Variants in GRM1 observed in about 807,000 individuals in gnomAD.
The protein encoded by GRM1 is glutamate metabotropic receptor 1, also known as metabotropic glutamate receptor 1.
In GRM1, 33 loss-of-function variants were observed where a neutral mutation model predicts 90.9. That is an observed-to-expected ratio of 0.36 (90% CI 0.28 to 0.49). The LOEUF (loss-of-function observed/expected upper bound fraction) is 0.49, where lower values mean the gene tolerates loss of function less well. Ranked by LOEUF, GRM1 falls within the 20% of genes least tolerant of loss-of-function variation. The pLI is 0.99. For synonymous variants in GRM1, 700 were observed against 613.2 expected, an observed-to-expected ratio of 1.14 and a Z score of -2.09; for missense variants, 1,190 against 1,534.3, an observed-to-expected ratio of 0.78 and a Z score of 3.75.
chr6:146,137,123 G>A (rs1038732712), intron 1 of GRM1, among the ~76,000 whole-genome samples: 1 of 152,108 alleles, frequency 6.6e-6, no homozygotes, highest in Non-Finnish European at 1.5e-5. Context: ...AAAGTGCTGA[G>A]ATTACAGGCG....
intron 5 of GRM1, among the ~76,000 whole-genome samples, chr6:146,362,505 C>G (rs1305488115): frequency 6.6e-6 from 1 of 151,754 alleles, no homozygotes; most frequent in Non-Finnish European, 1.5e-5. Context: ...TGGTGAAACC[C>G]CATCTCTACT....
intron 2 of GRM1, among the ~76,000 whole-genome samples, chr6:146,163,841 C>G (rs55647924): frequency 0.055 from 8,339 of 152,128 alleles, 309 homozygotes; most frequent in Non-Finnish European, 0.083. Flanking sequence ...TTATTTCATG[C>G]TTAGTTTTAA....
intron 2 of GRM1, among the ~76,000 whole-genome samples, chr6:146,292,969 A>G (rs1205296254): frequency 6.6e-6 from 1 of 152,024 alleles, no homozygotes; most frequent in Non-Finnish European, 1.5e-5. Flanking sequence ...TACACCACAA[A>G]ATGGATAAAT....
At chr6:146,253,661 C>T (rs1214523925) in intron 2 of GRM1, among the ~76,000 whole-genome samples, 2 of 152,126 alleles carry the variant, frequency 1.3e-5, no homozygotes. Flanking sequence ...TCTCAAGGTG[C>T]ATAATCTGAA....
Position 146,033,415 on chromosome 6 carries a change from T to C in GRM1, c.700+3198T>C, listed in dbSNP as rs183832714. On this transcript the variant is annotated intron_variant, in intron 1 of 7. Transcript: ENST00000282753. ...TATTTCAAATGATTTTTGAAAACAG[T>C]ACTTAAAAATAACTGTAGTTAATAA... Among the ~76,000 whole-genome samples, 163 of 152,288 alleles carry C rather than the reference T, an allele frequency of 1.1e-3. 1 individual carries two copies. The highest frequency in any genetic ancestry group is 4.2e-3 in the Admixed American group (65 of 15,296).
intron 1 of GRM1, among the ~76,000 whole-genome samples, chr6:146,069,054 T>C (rs558073510): frequency 6.6e-6 from 1 of 152,360 alleles, no homozygotes; most frequent in African/African-American, 2.4e-5. Context: ...GTTAAACTTA[T>C]GATCTTTTGA....
intron 3 of GRM1, among the ~76,000 whole-genome samples, chr6:146,350,372 GT>G (rs67426648): frequency 0.044 from 6,695 of 152,102 alleles, 488 homozygotes; most frequent in African/African-American, 0.15. Context: ...CCTGTTGTTG[GT>G]TGTAATGACT....
At chr6:146,178,131 C>T (rs993604161) in intron 2 of GRM1, among the ~76,000 whole-genome samples, 3 of 152,042 alleles carry the variant, frequency 2.0e-5, no homozygotes, top group Non-Finnish European at 2.9e-5. Context: ...TTCAGAATAC[C>T]ACATTCTCTT....
intron 5 of GRM1, among the ~76,000 whole-genome samples, chr6:146,371,580 T>G (rs956132711): frequency 1.4e-4 from 21 of 152,078 alleles, no homozygotes; most frequent in African/African-American, 4.8e-4. Flanking sequence ...CTATTTCTTT[T>G]GTACTCATTA....
At chr6:146,238,854 G>T (rs1313176060) in intron 2 of GRM1, among the ~76,000 whole-genome samples, 1 of 152,064 alleles carries the variant, frequency 6.6e-6, no homozygotes, top group Non-Finnish European at 1.5e-5. Flanking sequence ...ATGCACCCTT[G>T]CCTCTCCCAC....
chr6:146,275,378 A>G (rs1224480125), intron 2 of GRM1, among the ~76,000 whole-genome samples: 1 of 152,118 alleles, frequency 6.6e-6, no homozygotes. Flanking sequence ...TACATGGGAC[A>G]GTTTGTACAT....
intron 1 of GRM1, among the ~76,000 whole-genome samples, chr6:146,032,832 T>G (rs1790755430): frequency 6.6e-6 from 1 of 152,208 alleles, no homozygotes; most frequent in Non-Finnish European, 1.5e-5. Flanking sequence ...GTGACTGGAC[T>G]AGTGTACCTT....
chr6:146,402,401 A>G lies in GRM1; in HGVS notation c.2660+2702A>G, dbSNP rs1273268917. Reference sequence around the variant, plus strand: ...TTTTAGTATATAAAAAAGAATCTCAATGCTATGTTTTTACCTTTTTATTGC... The same window carrying G: ...TTTTAGTATATAAAAAAGAATCTCAGTGCTATGTTTTTACCTTTTTATTGC... On this transcript the variant is annotated intron_variant, in intron 7 of 7. Transcript: ENST00000282753. Among the ~76,000 whole-genome samples, 6 of 152,276 alleles carry G rather than the reference A, an allele frequency of 3.9e-5. No individual in the cohort carries two copies. In the East Asian group the frequency reaches 1.2e-3, roughly 29 times the overall value.
intron 5 of GRM1, among the ~76,000 whole-genome samples, chr6:146,368,654 T>C (rs1348044712): frequency 6.6e-6 from 1 of 152,108 alleles, no homozygotes; most frequent in African/African-American, 2.4e-5. Context: ...TTCTTCATTA[T>C]GTTGATGTGG....
At position 146,055,262 on chromosome 6, in the gene GRM1, A is replaced by C. The variant is rs191580600; in HGVS notation, c.700+25045A>C. On this transcript the variant is annotated intron_variant, in intron 1 of 7. Coordinates refer to ENST00000282753, the MANE Select transcript of GRM1 (RefSeq NM_001278064.2). ...TAGATGTGTGTATTGCTTCTAGCAT[A>C]ATATTATGGATACAACTGGCACATA... Among the ~76,000 whole-genome samples the C allele has an allele frequency of 1.9e-3, 289 of 152,198 alleles. 2 individuals carry two copies. Among genetic ancestry groups the C allele is most frequent in the African/African-American group, 6.4e-3 (267 of 41,540 alleles).
intron 2 of GRM1, among the ~76,000 whole-genome samples, chr6:146,211,125 G>GAA (rs79645759): frequency 1.2e-4 from 17 of 138,236 alleles, no homozygotes; most frequent in African/African-American, 3.1e-4. Flanking sequence ...ATATAGGGAA[G>GAA]AAAAAAAAAA....
chr6:146,130,246 T>A (rs1198190253), intron 1 of GRM1, among the ~76,000 whole-genome samples: 1 of 90,884 alleles, frequency 1.1e-5, no homozygotes, highest in East Asian at 3.2e-4. Flanking sequence ...CCTCCCTCCC[T>A]CCCTCCCTTC....
intron 1 of GRM1, among the ~76,000 whole-genome samples, chr6:146,068,324 A>C (rs1226949304): frequency 6.6e-6 from 1 of 152,174 alleles, no homozygotes; most frequent in Non-Finnish European, 1.5e-5. Flanking sequence ...CCTGTTAGCC[A>C]GGATGGTCTT....
intron 3 of GRM1, among the ~76,000 whole-genome samples, chr6:146,333,524 C>G (rs1473231192): frequency 6.6e-6 from 1 of 152,150 alleles, no homozygotes; most frequent in African/African-American, 2.4e-5. Flanking sequence ...AATATAATTT[C>G]TACCAGCAAG....
Sources: allele counts gnomAD v4.1 joint callset (sites outside exome capture counted in the v4.1 genomes callset), GRCh38; gene constraint gnomAD v4.1.1; transcripts MANE v1.5; gene names NCBI Gene and HGNC (gene_info 2026-07-23, HGNC 2026-07-21).